Variants in ANO2 observed in about 807,000 individuals in gnomAD.
The protein encoded by ANO2 is anoctamin 2.
ANO2 carries 101 observed loss-of-function variants against 124.2 expected under a neutral mutation model. The observed-to-expected ratio is 0.81, with a 90% confidence interval of 0.69 to 0.96. The LOEUF (loss-of-function observed/expected upper bound fraction) is 0.96, where lower values mean the gene tolerates loss of function less well. Ranked by LOEUF, ANO2 falls within the 40% of genes least tolerant of loss-of-function variation. ANO2 has a pLI of 0.00. For missense variants in ANO2, 1,293 were observed against 1,274.5 expected, an observed-to-expected ratio of 1.01 and a Z score of -0.22; for synonymous variants, 486 against 482.5, an observed-to-expected ratio of 1.01 and a Z score of -0.09.
At chr12:5,863,577 A>G (rs1955338690) in intron 3 of ANO2, among the ~76,000 whole-genome samples, 1 of 152,206 alleles carries the variant, frequency 6.6e-6, no homozygotes, top group Non-Finnish European at 1.5e-5. Flanking sequence ...ACTTTACAAA[A>G]GGACCTGTGG....
rs149014694 is a variant in ANO2, at chr12:5,671,387, G to A, written c.1546-23586C>T. 5.0e-3 allele frequency among the ~76,000 whole-genome samples: 762 copies of A among 151,374 alleles called. 4 individuals are homozygous for A. Among genetic ancestry groups the A allele is most frequent in the African/African-American group, 0.017 (699 of 41,234 alleles). Reference sequence around the variant, plus strand: ...TTAAAGTGTATTAGCAAACTCTGCCGAGACAAAAAGCTCATTGCAACAGTC... The same window carrying A: ...TTAAAGTGTATTAGCAAACTCTGCCAAGACAAAAAGCTCATTGCAACAGTC... On this transcript the variant is annotated intron_variant, in intron 14 of 24. Transcript: ENST00000682330.
intron 20 of ANO2, among the ~76,000 whole-genome samples, chr12:5,583,420 G>C (rs567321008): frequency 2.0e-5 from 3 of 152,014 alleles, no homozygotes; most frequent in Non-Finnish European, 4.4e-5. Flanking sequence ...TTGGGAGGCC[G>C]AGGCGGGCGG....
chr12:5,589,752 G>C (rs559339042), intron 20 of ANO2, among the ~76,000 whole-genome samples: 2 of 152,144 alleles, frequency 1.3e-5, no homozygotes, highest in African/African-American at 2.4e-5. Flanking sequence ...TTGGATGCAC[G>C]CATGAGAAGG....
intron 4 of ANO2, among the ~76,000 whole-genome samples, chr12:5,837,580 G>A (rs1276254715): frequency 2.0e-5 from 3 of 148,214 alleles, no homozygotes; most frequent in African/African-American, 5.0e-5. Context: ...TGCAGTGTTT[G>A]CTTTTTTGTT....
At chr12:5,706,054 C>T (rs983556605) in intron 14 of ANO2, among the ~76,000 whole-genome samples, 9 of 152,104 alleles carry the variant, frequency 5.9e-5, no homozygotes, top group African/African-American at 2.2e-4. Flanking sequence ...GAAGGGTGGC[C>T]GAGGGTCAGA....
chr12:5,832,054 C>T (rs963210490), intron 5 of ANO2, among the ~76,000 whole-genome samples: 2 of 152,198 alleles, frequency 1.3e-5, no homozygotes. Flanking sequence ...GCTTCATCCA[C>T]CTTCTTTCTG....
chr12:5,716,291 T>C (rs531464058), intron 14 of ANO2, among the ~76,000 whole-genome samples: 2 of 152,284 alleles, frequency 1.3e-5, no homozygotes, highest in Admixed American at 1.3e-4. Flanking sequence ...CCCAGAGTTA[T>C]TGTGTTAATC....
intron 21 of ANO2, 90 bp downstream of exon 21, chr12:5,578,276 C>G: frequency 1.3e-6 from 2 of 1,515,556 alleles, no homozygotes; most frequent in Non-Finnish European, 1.8e-6. Context: ...TTTCCCAGCC[C>G]TCTTGATTCC....
chr12:5,936,560 A>G (rs1189813977), intron 1 of ANO2, among the ~76,000 whole-genome samples: 1 of 152,212 alleles, frequency 6.6e-6, no homozygotes, highest in Non-Finnish European at 1.5e-5. Context: ...GAATGCTGAC[A>G]CCTTGATCCT....
At chr12:5,739,997 G>T (rs937831943) in intron 12 of ANO2, 10 of 455,772 alleles carry the variant, frequency 2.2e-5, no homozygotes, top group South Asian at 1.6e-4. Flanking sequence ...TCTTCCATTT[G>T]CTTAGCAAAT....
Position 5,787,868 on chromosome 12 carries a change from C to T in ANO2, c.1055+11639G>A, listed in dbSNP as rs1952582523. Among the ~76,000 whole-genome samples the T allele has an allele frequency of 6.6e-6, 1 of 152,194 alleles. No individual in the cohort carries two copies. The highest frequency in any genetic ancestry group is 1.5e-5 in the Non-Finnish European group (1 of 68,042). On this transcript the variant is annotated intron_variant, in intron 10 of 24. Transcript: ENST00000682330. This position sits in a 1 kb window ranked among gnomAD's most constrained non-coding sequence, Gnocchi z 4.2. ...ACTGTCTCCCCTGCTAGGTCATAAG[C>T]TCTGTGAGGCCAGACCCAGCTGGAC...
At chr12:5,941,851 T>C (rs1316506846) in intron 1 of ANO2, among the ~76,000 whole-genome samples, 1 of 152,186 alleles carries the variant, frequency 6.6e-6, no homozygotes, top group East Asian at 1.9e-4. Context: ...AAAAGAGTGA[T>C]ACCCAGAGGG....
At chr12:5,581,584 C>G (rs1020861263) in intron 20 of ANO2, among the ~76,000 whole-genome samples, 1 of 151,370 alleles carries the variant, frequency 6.6e-6, no homozygotes, top group Admixed American at 6.6e-5. Context: ...CAGACATGGA[C>G]TCTCTGGTGT....
intron 3 of ANO2, among the ~76,000 whole-genome samples, chr12:5,874,019 G>A (rs540652178): frequency 6.6e-5 from 10 of 152,256 alleles, no homozygotes; most frequent in Non-Finnish European, 1.3e-4. Flanking sequence ...TCAATGCTCA[G>A]TGCTTTTACA....
chr12:5,585,296 A>T (rs1259305987), intron 20 of ANO2, among the ~76,000 whole-genome samples: 1 of 152,196 alleles, frequency 6.6e-6, no homozygotes, highest in East Asian at 1.9e-4. Flanking sequence ...TTCAGTCTGC[A>T]TGGAGTCACC....
At chr12:5,679,282 CAAATAAG>C (rs1948391719) in intron 14 of ANO2, among the ~76,000 whole-genome samples, 1 of 152,134 alleles carries the variant, frequency 6.6e-6, no homozygotes, top group African/African-American at 2.4e-5. Flanking sequence ...CAAAAATTGA[CAAATAAG>C]ATCTAATTAA....
intron 14 of ANO2, among the ~76,000 whole-genome samples, chr12:5,695,744 G>A (rs7970782): frequency 0.36 from 54,542 of 152,122 alleles, 11,622 homozygotes; most frequent in East Asian, 0.58. Context: ...GGGAGGCTGA[G>A]GTAGGAGCAT....
intron 15 of ANO2, among the ~76,000 whole-genome samples, chr12:5,642,309 T>C (rs536583180): frequency 1.3e-5 from 2 of 152,268 alleles, no homozygotes; most frequent in South Asian, 4.1e-4. Flanking sequence ...ATGCCTTCTA[T>C]AGTGATTAGG....
chr12:5,665,583 G>T (rs2136979136), intron 14 of ANO2, among the ~76,000 whole-genome samples: 1 of 152,278 alleles, frequency 6.6e-6, no homozygotes, highest in East Asian at 1.9e-4. Flanking sequence ...AAGAGAAACT[G>T]CTTCTCCCCA....
Sources: gnomAD v4.1 joint callset for allele counts (sites outside exome capture counted in the v4.1 genomes callset) on GRCh38, gnomAD v4.1.1 for gene constraint, Gnocchi (gnomAD v3.1) non-coding constraint, MANE v1.5 for transcripts, NCBI Gene and HGNC (gene_info 2026-07-23, HGNC 2026-07-21) for gene names.